The following FAM83D variants were observed in gnomAD, a reference collection of about 807,000 sequenced individuals.
FAM83D encodes scaffolding CK1 anchoring protein D.
Under a neutral mutation model 25.4 loss-of-function variants are expected in FAM83D, and 26 were observed. That is an observed-to-expected ratio of 1.02 (90% CI 0.75 to 1.42). FAM83D has a LOEUF of 1.42. Among genes scored for constraint, FAM83D ranks in the 40% most tolerant of loss-of-function variants. FAM83D has a pLI of 0.00. For missense variants in FAM83D, 740 were observed against 758.1 expected, an observed-to-expected ratio of 0.98 and a Z score of 0.28; for synonymous variants, 310 against 318.5, an observed-to-expected ratio of 0.97 and a Z score of 0.28.
At position 38,951,660 on chromosome 20, in the gene FAM83D, A is replaced by G; in HGVS notation, c.898A>G (p.Lys300Glu). 1 of 1,614,182 alleles carries G rather than the reference A, an allele frequency of 6.2e-7. No individual in the cohort carries two copies. The highest frequency in any genetic ancestry group is 1.1e-5 in the South Asian group (1 of 91,078). Residue 300 changes from lysine to glutamate, a missense_variant, in exon 4 of 4, where the codon AAA (lysine) becomes GAA (glutamate). By Grantham distance (56) the Lys-to-Glu change is moderately conservative. Transcript: ENST00000619850. ...LYAQSKPISPKLLSHFQSSNK... is the reference protein window; with the variant it reads ...LYAQSKPISPELLSHFQSSNK... ...TGCCCAGTCCAAGCCCATCAGCCCCAAACTCCTGTCTCACTTCCAGAGCAG... is the reference window on the plus strand; with the variant it reads ...TGCCCAGTCCAAGCCCATCAGCCCCGAACTCCTGTCTCACTTCCAGAGCAG...
chr20:38,935,235 A>C (rs2085673919), intron 1 of FAM83D, among the ~76,000 whole-genome samples: 1 of 152,216 alleles, frequency 6.6e-6, no homozygotes, highest in Non-Finnish European at 1.5e-5. Flanking sequence ...ACAATTCAAA[A>C]TGATAAGCCC....
Position 38,926,591 on chromosome 20 carries a change from TC to T in FAM83D, c.151del (p.Leu51CysfsTer10), listed in dbSNP as rs771352489. 1.2e-4 allele frequency: 193 copies of T among 1,549,594 alleles called. No homozygotes were observed. The highest frequency in any genetic ancestry group is 1.7e-4 in the Admixed American group (9 of 52,490). On this transcript the variant is annotated frameshift_variant, in exon 1 of 4. Transcript: ENST00000619850. LOFTEE classifies it high-confidence loss of function. ...GGCGGCCCCGAAGCCTTCGCGGCCT[TC>T]CTGCGACGCGAGCGCCTGGCTCGTT... ...VAGGPEAFAA[F>X]LRRERLARFL...
chr20:38,947,367 A>G (rs941195015), intron 2 of FAM83D, among the ~76,000 whole-genome samples: 29 of 152,176 alleles, frequency 1.9e-4, no homozygotes, highest in African/African-American at 5.1e-4. Context: ...CTGTGTTCCT[A>G]TTCTCCATAC....
intron 3 of FAM83D, among the ~76,000 whole-genome samples, chr20:38,948,365 C>T (rs945216329): frequency 6.6e-6 from 1 of 152,192 alleles, no homozygotes; most frequent in African/African-American, 2.4e-5. Flanking sequence ...GCTTGCCCTG[C>T]TCACTTGAAG....
At position 38,942,069 on chromosome 20, in the gene FAM83D, C is replaced by T. The variant is rs1185908133; in HGVS notation, c.594C>T (p.Leu198=). The T allele has an allele frequency of 1.9e-6, 3 of 1,614,174 alleles. No homozygotes were observed. The highest frequency in any genetic ancestry group is 2.2e-5 in the East Asian group (1 of 44,886). The stretch of plus-strand genomic sequence containing the variant: ...TGTATATCCTTCTGGACCAGGCTCT[C>T]CTCTCTCAATTTCTGGATATGTGCA... ...VAVYILLDQA[L]LSQFLDMCMD... Residue 198 remains leucine (L), a synonymous_variant, in exon 2 of 4, where the codon CTC becomes CTT. Coordinates refer to ENST00000619850, the MANE Select transcript of FAM83D (RefSeq NM_030919.3).
At chr20:38,945,434 A>G (rs1192551034) in intron 2 of FAM83D, among the ~76,000 whole-genome samples, 1 of 151,998 alleles carries the variant, frequency 6.6e-6, no homozygotes, top group Non-Finnish European at 1.5e-5. Context: ...TAAGATTTAT[A>G]AAGAAGTTAC....
Position 38,942,126 on chromosome 20 carries a change from G to T in FAM83D, c.651G>T (p.Lys217Asn). The part of the protein sequence containing the change: ...MDLKVHPEQE[K>N]LMTVRTITGN... ...TGAAAGTTCATCCTGAACAGGAAAAGGTTTGTGGTACACTATATCCAGTTT... is the reference window on the plus strand; with the variant it reads ...TGAAAGTTCATCCTGAACAGGAAAATGTTTGTGGTACACTATATCCAGTTT... The change falls in exon 2 of 4, where the codon AAG becomes AAT. Residue 217 changes from lysine (K) to asparagine (N), a missense_variant and splice_region_variant. Coordinates refer to ENST00000619850, the MANE Select transcript of FAM83D (RefSeq NM_030919.3). 6.2e-7 allele frequency: 1 copy of T among 1,614,146 alleles called. No homozygotes were observed.
At chr20:38,947,249 G>T (rs1344620937) in intron 2 of FAM83D, among the ~76,000 whole-genome samples, 5 of 152,170 alleles carry the variant, frequency 3.3e-5, no homozygotes, top group African/African-American at 9.7e-5. Flanking sequence ...CACTACCAGT[G>T]TACGTTTTTG....
intron 1 of FAM83D, among the ~76,000 whole-genome samples, chr20:38,940,126 G>C (rs2085695373): frequency 6.6e-6 from 1 of 152,190 alleles, no homozygotes; most frequent in Non-Finnish European, 1.5e-5. Flanking sequence ...CACAAATTCA[G>C]AAAGAACGCT....
rs748454763 is a variant in FAM83D at position 38,926,748 on chromosome 20, C to G, written c.306C>G (p.Phe102Leu). 1.3e-6 allele frequency: 2 copies of G among 1,538,088 alleles called. No homozygotes were observed. Among genetic ancestry groups the G allele is most frequent in the African/African-American group, 1.4e-5 (1 of 72,142 alleles). The change falls in exon 1 of 4, where the codon TTC becomes TTG. Residue 102 changes from phenylalanine to leucine, a missense_variant. Phe to Leu is a conservative substitution (Grantham distance 22). Around this residue, in one of 3 missense-constraint regions of FAM83D, gnomAD observed 333 missense variants for 298.6 expected, o/e 1.12. Coordinates refer to ENST00000619850, the MANE Select transcript of FAM83D (RefSeq NM_030919.3). Reference sequence around the variant, plus strand: ...ACGACTGCTCTTCGGGCACCTACTTCCCCGAGCAGTCGGACCTGGAGCCAC... The same window carrying G: ...ACGACTGCTCTTCGGGCACCTACTTGCCCGAGCAGTCGGACCTGGAGCCAC... ...SSHDCSSGTYFPEQSDLEPPL... is the reference protein window; with the variant it reads ...SSHDCSSGTYLPEQSDLEPPL...
At chr20:38,928,675 C>T (rs778523911) in intron 1 of FAM83D, among the ~76,000 whole-genome samples, 2 of 152,090 alleles carry the variant, frequency 1.3e-5, no homozygotes, top group Non-Finnish European at 2.9e-5. Context: ...GAACTAGAGG[C>T]CAGAGGGAAA....
At chr20:38,930,466 G>GT (rs374688531) in intron 1 of FAM83D, among the ~76,000 whole-genome samples, 55 of 147,960 alleles carry the variant, frequency 3.7e-4, no homozygotes, top group East Asian at 9.9e-4. Context: ...AAGCTCAAGT[G>GT]TTTTTTTTTT....
At chr20:38,928,230 C>G (rs1673005253) in intron 1 of FAM83D, among the ~76,000 whole-genome samples, 1 of 152,206 alleles carries the variant, frequency 6.6e-6, no homozygotes, top group Admixed American at 6.5e-5. Context: ...AGGGCTGGTA[C>G]CTGAGTGTGT....
intron 2 of FAM83D, among the ~76,000 whole-genome samples, chr20:38,942,759 T>G (rs1418649764): frequency 1.3e-5 from 2 of 152,244 alleles, no homozygotes; most frequent in South Asian, 2.1e-4. Flanking sequence ...GTGGATATAC[T>G]AAAAACTACA....
intron 1 of FAM83D, among the ~76,000 whole-genome samples, chr20:38,941,009 G>T (rs2145804520): frequency 6.6e-6 from 1 of 152,350 alleles, no homozygotes; most frequent in South Asian, 2.1e-4. Flanking sequence ...GCCCAGGAAT[G>T]CATGGCTAAA....
At chr20:38,926,959 G>A (rs2085638731) in intron 1 of FAM83D, 34 bp downstream of exon 1, 1 of 1,408,730 alleles carries the variant, frequency 7.1e-7, no homozygotes, top group African/African-American at 1.5e-5. Flanking sequence ...GGTCGCACGG[G>A]AGACCCCCTT....
chr20:38,935,516 C>T (rs1376715216), intron 1 of FAM83D, among the ~76,000 whole-genome samples: 1 of 152,204 alleles, frequency 6.6e-6, no homozygotes, highest in Non-Finnish European at 1.5e-5. Context: ...AATCATGACT[C>T]ACTGCAGCCT....
In FAM83D at chr20:38,932,706, T is replaced by G. The variant is rs540407694; in HGVS notation, c.483+5781T>G. On this transcript the variant is annotated intron_variant, in intron 1 of 3. Coordinates refer to ENST00000619850, the MANE Select transcript of FAM83D (RefSeq NM_030919.3). ...CTGGAAGGGCTACATAGCCTCATTT[T>G]GGCAATGTGCTTATGAATTGGCTGT... 3.3e-5 allele frequency among the ~76,000 whole-genome samples: 5 copies of G among 152,372 alleles called. No homozygotes were observed. In the East Asian group the frequency reaches 9.6e-4, roughly 29 times the overall value.
intron 3 of FAM83D, among the ~76,000 whole-genome samples, chr20:38,949,083 G>A (rs1601338196): frequency 6.6e-6 from 1 of 152,058 alleles, no homozygotes; most frequent in East Asian, 1.9e-4. Context: ...TGATGACGAT[G>A]ATAGCTTCCA....
Sources: allele counts gnomAD v4.1 joint callset (sites outside exome capture counted in the v4.1 genomes callset), GRCh38; gene constraint gnomAD v4.1.1; regional missense constraint gnomAD v4.1.1; transcripts MANE v1.5; gene names NCBI Gene and HGNC (gene_info 2026-07-23, HGNC 2026-07-21).